Variants in KIAA1549L observed in about 807,000 individuals in gnomAD.
KIAA1549L encodes the protein UPF0606 protein KIAA1549L.
KIAA1549L carries 88 observed loss-of-function variants against 160.7 expected under a neutral mutation model. The observed-to-expected ratio is 0.55, with a 90% CI of 0.46 to 0.65. KIAA1549L has a LOEUF of 0.65. Among genes scored for constraint, KIAA1549L ranks in the 30% least tolerant of loss-of-function variants. The pLI, the probability that KIAA1549L is intolerant of heterozygous loss-of-function variation, is 0.00. For synonymous variants in KIAA1549L, 950 were observed against 976.7 expected (o/e 0.97, Z 0.51); for missense variants, 2,258 against 2,437.5 (o/e 0.93, Z 1.55).
At chr11:33,508,126 A>G (rs774921730) in intron 1 of KIAA1549L, among the ~76,000 whole-genome samples, 2 of 152,160 alleles carry the variant, frequency 1.3e-5, no homozygotes, top group African/African-American at 2.4e-5. Flanking sequence ...TTAGCTCTCA[A>G]TCAAGATCTT....
At chr11:33,444,102 A>G (rs1404519157) in intron 1 of KIAA1549L, among the ~76,000 whole-genome samples, 1 of 152,238 alleles carries the variant, frequency 6.6e-6, no homozygotes, top group East Asian at 1.9e-4. Flanking sequence ...TGATGATCTC[A>G]GAAAACAAAA....
At chr11:33,425,768 A>C (rs1356843124) in intron 1 of KIAA1549L, among the ~76,000 whole-genome samples, 1 of 152,242 alleles carries the variant, frequency 6.6e-6, no homozygotes, top group Non-Finnish European at 1.5e-5. Context: ...AGCCAAATAA[A>C]GTAATCAAAG....
At chr11:33,627,708 C>T (rs1363532571) in intron 16 of KIAA1549L, among the ~76,000 whole-genome samples, 1 of 152,078 alleles carries the variant, frequency 6.6e-6, no homozygotes, top group Non-Finnish European at 1.5e-5. Flanking sequence ...CAAAATCTAT[C>T]AATTTTGTTG....
At chr11:33,517,928 C>T (rs1449339450) in intron 1 of KIAA1549L, among the ~76,000 whole-genome samples, 1 of 151,736 alleles carries the variant, frequency 6.6e-6, no homozygotes, top group African/African-American at 2.4e-5. Flanking sequence ...GATCATGAGG[C>T]CAGGAGTTCA....
intron 1 of KIAA1549L, among the ~76,000 whole-genome samples, chr11:33,474,156 C>G (rs1187814459): frequency 6.6e-6 from 1 of 152,192 alleles, no homozygotes; most frequent in Non-Finnish European, 1.5e-5. Flanking sequence ...ATGAGTGATC[C>G]TCTGCCATGA....
chr11:33,432,943 T>C (rs370313632), intron 1 of KIAA1549L, among the ~76,000 whole-genome samples: 2 of 152,138 alleles, frequency 1.3e-5, no homozygotes, highest in African/African-American at 4.8e-5. Context: ...TCAAGATGGA[T>C]TAAACACTTA....
At position 33,562,275 on chromosome 11, in the gene KIAA1549L, C is replaced by G. The variant is rs546815496; in HGVS notation, c.4078+540C>G. On this transcript the variant is annotated intron_variant, in intron 8 of 20. Coordinates refer to ENST00000658780, the MANE Select transcript of KIAA1549L (RefSeq NM_012194.3). ...ATCTTTATGGAACAGCAAAAAAGTT[C>G]TTCTTTGTGTTTTTCAAAAGCCAGA... is the stretch of plus-strand genomic sequence containing the variant. 1.1e-4 allele frequency among the ~76,000 whole-genome samples: 16 copies of G among 152,210 alleles called. No homozygotes were observed. In the East Asian group the frequency reaches 2.5e-3, roughly 24 times the overall value.
At chr11:33,578,021 C>G (rs1172004688) in intron 10 of KIAA1549L, among the ~76,000 whole-genome samples, 5 of 152,160 alleles carry the variant, frequency 3.3e-5, no homozygotes, top group African/African-American at 1.2e-4. Flanking sequence ...TTAGCCAAGA[C>G]TCGCTTCCTT....
chr11:33,492,662 C>T (rs1273632187), intron 1 of KIAA1549L, among the ~76,000 whole-genome samples: 1 of 152,148 alleles, frequency 6.6e-6, no homozygotes, highest in Non-Finnish European at 1.5e-5. Context: ...ATGTCAACAG[C>T]CTTGATAATT....
intron 1 of KIAA1549L, among the ~76,000 whole-genome samples, chr11:33,408,497 A>G (rs1850717662): frequency 6.7e-6 from 1 of 148,240 alleles, no homozygotes; most frequent in South Asian, 2.1e-4. Context: ...GTGTATATAT[A>G]TATATATATA....
At chr11:33,485,462 T>C (rs542119698) in intron 1 of KIAA1549L, among the ~76,000 whole-genome samples, 1 of 152,296 alleles carries the variant, frequency 6.6e-6, no homozygotes, top group Non-Finnish European at 1.5e-5. Context: ...CAAAAGTATC[T>C]ATTTGTTTTT....
At chr11:33,403,423 ACG>A (rs1194465421) in intron 1 of KIAA1549L, 5 of 151,504 alleles carry the variant, frequency 3.3e-5, no homozygotes, top group African/African-American at 1.2e-4. Context: ...ACACACAGAC[ACG>A]CACACAGAGA....
At chr11:33,380,482 A>G (rs1850052136) in intron 1 of KIAA1549L, among the ~76,000 whole-genome samples, 1 of 152,192 alleles carries the variant, frequency 6.6e-6, no homozygotes, top group Non-Finnish European at 1.5e-5. Context: ...TCAGTGACGT[A>G]TGGTGATAAG....
At chr11:33,646,686 C>T (rs1205417824) in intron 17 of KIAA1549L, among the ~76,000 whole-genome samples, 5 of 152,200 alleles carry the variant, frequency 3.3e-5, no homozygotes, top group Non-Finnish European at 7.3e-5. Flanking sequence ...AATACTTGTG[C>T]GAGGACATCT....
intron 16 of KIAA1549L, among the ~76,000 whole-genome samples, chr11:33,621,735 A>T (rs1177718213): frequency 6.6e-6 from 1 of 152,222 alleles, no homozygotes; most frequent in Non-Finnish European, 1.5e-5. Context: ...TATCAGCCAA[A>T]TTATTTACCC....
intron 16 of KIAA1549L, 147 bp from the exon 17 acceptor site, chr11:33,645,539 A>C (rs1281188644): frequency 1.5e-6 from 1 of 647,946 alleles, no homozygotes; most frequent in Non-Finnish European, 2.7e-6. Context: ...CAGTAGTGTG[A>C]ATTCCTAGAT....
chr11:33,515,852 G>A (rs1445164716), intron 1 of KIAA1549L, among the ~76,000 whole-genome samples: 1 of 152,118 alleles, frequency 6.6e-6, no homozygotes, highest in Non-Finnish European at 1.5e-5. Context: ...CTATTAGAGG[G>A]AATCCTCTAG....
In KIAA1549L at chr11:33,549,862, A is replaced by G. The variant is rs145045494; in HGVS notation, c.3502-1178A>G. On this transcript the variant is annotated intron_variant, in intron 4 of 20. Coordinates refer to ENST00000658780, the MANE Select transcript of KIAA1549L (RefSeq NM_012194.3). ...TCTACAAAACATATGTAAGTTAGCC[A>G]GGTATGGTGGCACACACCTGTAGTC... Among the ~76,000 whole-genome samples, 653 of 152,120 alleles carry G rather than the reference A, an allele frequency of 4.3e-3. 13 individuals are homozygous for G. Among genetic ancestry groups the G allele is most frequent in the Admixed American group, 0.034 (514 of 15,264 alleles).
At chr11:33,476,765 G>A (rs548803665) in intron 1 of KIAA1549L, among the ~76,000 whole-genome samples, 1 of 152,244 alleles carries the variant, frequency 6.6e-6, no homozygotes, top group Admixed American at 6.5e-5. Context: ...GCACAAAAAT[G>A]TGCACCCTAT....
Sources: allele counts gnomAD v4.1 joint callset (sites outside exome capture counted in the v4.1 genomes callset), GRCh38; gene constraint gnomAD v4.1.1; transcripts MANE v1.5; gene names NCBI Gene and HGNC (gene_info 2026-07-23, HGNC 2026-07-21).